The following TEAD1 variants were observed in gnomAD, a reference collection of about 807,000 sequenced individuals.
TEAD1 encodes TEA domain transcription factor 1.
Under a neutral mutation model 54.9 loss-of-function variants are expected in TEAD1, and 9 were observed. That is an observed-to-expected ratio of 0.16 (90% CI 0.10 to 0.29). The LOEUF is 0.29. TEAD1 is among the 10% of genes least tolerant of loss of function. TEAD1 has a pLI of 1.00. For missense variants in TEAD1, 387 were observed against 535.9 expected (o/e 0.72, Z 2.74); for synonymous variants, 200 against 187.8 (o/e 1.07, Z -0.53).
At chr11:12,809,545 A>T (rs1017863607) in intron 3 of TEAD1, among the ~76,000 whole-genome samples, 1 of 152,078 alleles carries the variant, frequency 6.6e-6, no homozygotes, top group Non-Finnish European at 1.5e-5. Flanking sequence ...CAGATCAAAG[A>T]CCATGCTTCT....
At chr11:12,837,481 T>G (rs1033074763) in intron 3 of TEAD1, among the ~76,000 whole-genome samples, 5 of 152,122 alleles carry the variant, frequency 3.3e-5, no homozygotes, top group African/African-American at 1.2e-4. Flanking sequence ...CTGGGTGGAT[T>G]AAACAACAGA....
At chr11:12,930,452 C>T in intron 12 of TEAD1, 126 bp downstream of exon 12, 3 of 1,168,256 alleles carry the variant, frequency 2.6e-6, no homozygotes, top group Non-Finnish European at 3.8e-6. Flanking sequence ...GGATTGGGTT[C>T]CTAGTGGTCA....
chr11:12,935,164 C>T (rs1004981721), intron 12 of TEAD1, among the ~76,000 whole-genome samples: 6 of 152,244 alleles, frequency 3.9e-5, no homozygotes, highest in African/African-American at 9.6e-5. Context: ...GGCAGAGGGA[C>T]GCAGGGCATT....
chr11:12,681,570 G>A (rs1943222120), intron 2 of TEAD1, among the ~76,000 whole-genome samples: 1 of 152,204 alleles, frequency 6.6e-6, no homozygotes, highest in African/African-American at 2.4e-5. Flanking sequence ...CCTACTGATG[G>A]ATTGGTAGGG....
intron 3 of TEAD1, among the ~76,000 whole-genome samples, chr11:12,830,778 A>T (rs999777833): frequency 6.6e-6 from 1 of 152,140 alleles, no homozygotes; most frequent in African/African-American, 2.4e-5. Flanking sequence ...GCACATGCAC[A>T]TGCACATGCA....
chr11:12,740,461 G>C (rs768962595), intron 2 of TEAD1, among the ~76,000 whole-genome samples: 1 of 152,120 alleles, frequency 6.6e-6, no homozygotes, highest in Non-Finnish European at 1.5e-5. Context: ...ACATAAAGTT[G>C]GTGTATTAGT....
chr11:12,883,780 G>A (rs546283752), intron 9 of TEAD1, among the ~76,000 whole-genome samples: 11 of 152,128 alleles, frequency 7.2e-5, no homozygotes, highest in African/African-American at 2.2e-4. Context: ...TTGGGAGGCC[G>A]AGGCAGGTGG....
chr11:12,933,044 G>A (rs188678150), intron 12 of TEAD1, among the ~76,000 whole-genome samples: 24 of 152,310 alleles, frequency 1.6e-4, no homozygotes, highest in African/African-American at 5.8e-4. Flanking sequence ...GCCTAGGTGT[G>A]TAGTAGGCTG....
intron 4 of TEAD1, among the ~76,000 whole-genome samples, chr11:12,863,761 G>A (rs573697060): frequency 6.6e-6 from 1 of 152,176 alleles, no homozygotes; most frequent in East Asian, 1.9e-4. Flanking sequence ...CCTTCACTGA[G>A]GGACTCTTCT....
rs575306676 is a variant in TEAD1 at position 12,830,764 on chromosome 11, ACACG to A, written c.203-31482_203-31479del. ...CAATCACACACACACACATGCACGC[ACACG>A]CACATGCACATGCACATGCACATTC... On this transcript the variant is annotated intron_variant, in intron 3 of 12. Transcript: ENST00000527636. Among the ~76,000 whole-genome samples the A allele has an allele frequency of 6.7e-3, 727 of 107,780 alleles. 11 individuals carry two copies. The highest frequency in any genetic ancestry group is 4.8e-3 in the South Asian group (19 of 3,934). 70.7% of individuals were successfully genotyped at this position (107,780 alleles called of 152,430 possible). A position where few individuals can be genotyped will look rare whatever the true frequency, so the allele number is the denominator to read the frequency against.
chr11:12,749,386 G>A (rs1404875363), intron 2 of TEAD1, among the ~76,000 whole-genome samples: 1 of 152,172 alleles, frequency 6.6e-6, no homozygotes, highest in African/African-American at 2.4e-5. Context: ...AGTCTTGGAA[G>A]GAAATATATT....
chr11:12,840,968 T>C (rs2134034008), intron 3 of TEAD1, among the ~76,000 whole-genome samples: 1 of 152,308 alleles, frequency 6.6e-6, no homozygotes, highest in Non-Finnish European at 1.5e-5. Context: ...ATGGAATACT[T>C]TTTCTCATCT....
intron 2 of TEAD1, among the ~76,000 whole-genome samples, chr11:12,742,929 G>A (rs1026144419): frequency 3.3e-5 from 5 of 152,208 alleles, no homozygotes; most frequent in Non-Finnish European, 7.3e-5. Flanking sequence ...ATATTCTTCT[G>A]TAATGGAGAT....
intron 2 of TEAD1, among the ~76,000 whole-genome samples, chr11:12,691,513 G>A (rs2133824559): frequency 6.6e-6 from 1 of 152,208 alleles, no homozygotes; most frequent in Middle Eastern, 3.4e-3. Context: ...CTCTAATCGT[G>A]GTAAAAGCTT....
chr11:12,834,672 G>T (rs1946848633), intron 3 of TEAD1, among the ~76,000 whole-genome samples: 1 of 151,938 alleles, frequency 6.6e-6, no homozygotes, highest in Admixed American at 6.6e-5. Flanking sequence ...GTGTTGCCCA[G>T]GCTGGTCTTG....
intron 12 of TEAD1, among the ~76,000 whole-genome samples, chr11:12,931,838 A>G (rs1262074110): frequency 6.6e-6 from 1 of 152,214 alleles, no homozygotes. Context: ...TCATCCAGGA[A>G]GGTTTAAAAC....
chr11:12,908,883 G>GTTTTTGTTTTTTTTTTTTTTTTTTTT (rs769023879), intron 10 of TEAD1, among the ~76,000 whole-genome samples: 48 of 99,660 alleles, frequency 4.8e-4, no homozygotes, highest in East Asian at 2.4e-3. Flanking sequence ...CAAATTATCT[G>GTTTTTGTTTTTTTTTTTTTTTTTTTT]TTTTTTTTTT....
intron 3 of TEAD1, among the ~76,000 whole-genome samples, chr11:12,773,075 C>T (rs1378598587): frequency 3.9e-5 from 6 of 152,186 alleles, no homozygotes; most frequent in African/African-American, 7.2e-5. Context: ...GCTTAATTCC[C>T]GGGAGATTCA....
intron 12 of TEAD1, among the ~76,000 whole-genome samples, chr11:12,935,034 C>T (rs1187924142): frequency 2.0e-5 from 3 of 152,068 alleles, no homozygotes; most frequent in Non-Finnish European, 4.4e-5. Context: ...TACTTAGGTA[C>T]CAGGGGCTGG....
Sources: allele counts gnomAD v4.1 joint callset (sites outside exome capture counted in the v4.1 genomes callset), GRCh38; gene constraint gnomAD v4.1.1; transcripts MANE v1.5; gene names NCBI Gene and HGNC (gene_info 2026-07-23, HGNC 2026-07-21).